Variants in RRP1 observed in about 807,000 individuals in gnomAD.
RRP1 encodes ribosomal RNA processing protein 1 homolog A.
In RRP1, 37 loss-of-function variants were observed where a neutral mutation model predicts 54.6. The ratio of observed to expected loss-of-function variants is 0.68; its 90% confidence interval spans 0.52 to 0.89. The LOEUF (loss-of-function observed/expected upper bound fraction) is 0.89, where lower values mean the gene tolerates loss of function less well. Among genes scored for constraint, RRP1 ranks in the 40% least tolerant of loss-of-function variants. RRP1 has a pLI of 0.00. For missense variants in RRP1, 639 were observed against 612.5 expected (o/e 1.04, Z -0.46); for synonymous variants, 262 against 244.3 (o/e 1.07, Z -0.67).
In RRP1 at chr21:43,795,218, G is replaced by A. The variant is rs1220235725; in HGVS notation, c.390G>A (p.Leu130=). ...MLMRMVLNES[L]KVLKMQGWEE... The stretch of plus-strand genomic sequence containing the variant: ...TGCGGATGGTCCTGAACGAGTCCTT[G>A]AAGGTTCTGAAGATGCAAGGCTGGG... The change falls in exon 5 of 13, where the codon TTG becomes TTA. Residue 130 remains leucine (L), a synonymous_variant. Coordinates refer to ENST00000497547, the MANE Select transcript of RRP1 (RefSeq NM_003683.6). The A allele has an allele frequency of 1.2e-6, 2 of 1,614,126 alleles. No homozygotes were observed. The highest frequency in any genetic ancestry group is 2.2e-5 in the East Asian group (1 of 44,880).
At position 43,790,092 on chromosome 21, in the gene RRP1, G is replaced by A. The variant is rs1335333879; in HGVS notation, c.133+330G>A. On this transcript the variant is annotated intron_variant, in intron 1 of 12. Transcript: ENST00000497547. ...TGGGCACCCAGTATTTTTCCCTCAT[G>A]GCAGCATTTCCCACTGTTTGCAGTT... is the stretch of plus-strand genomic sequence containing the variant. 3.3e-5 allele frequency among the ~76,000 whole-genome samples: 5 copies of A among 152,292 alleles called. No homozygotes were observed. The East Asian group carries it at 9.6e-4, about 29-fold the overall frequency.
At chr21:43,791,267 A>C in intron 1 of RRP1, 83 bp from the exon 2 acceptor site, 1 of 1,417,556 alleles carries the variant, frequency 7.1e-7, no homozygotes, top group Non-Finnish European at 1.0e-6. Flanking sequence ...GGTCTCATTC[A>C]GGCAGTCACG....
rs370343131 is a variant in RRP1, at chr21:43,797,482, C to A, written c.483C>A (p.Ala161=). Residue 161 remains alanine (A), a synonymous_variant, in exon 6 of 13, where the codon GCC becomes GCA. Transcript: ENST00000497547. ...MTEILHPSSQ[A]PNGVKSHFIE... is the part of the protein sequence containing the mutation. ...AGATCCTGCACCCCAGCAGCCAGGC[C>A]CCCAACGGTGTGAAGAGCCACTTCA... 7.4e-6 allele frequency: 12 copies of A among 1,613,774 alleles called. No individual in the cohort carries two copies. In the African/African-American group the frequency reaches 1.6e-4, roughly 22 times the overall value.
intron 11 of RRP1, among the ~76,000 whole-genome samples, chr21:43,801,835 C>G (rs1352320594): frequency 6.6e-6 from 1 of 152,196 alleles, no homozygotes. Context: ...CGTCTCTAAT[C>G]TGAAACCCCA....
intron 11 of RRP1, 98 bp downstream of exon 11, chr21:43,800,979 G>A: frequency 7.6e-7 from 1 of 1,316,258 alleles, no homozygotes; most frequent in Non-Finnish European, 1.1e-6. Flanking sequence ...AGCACGTGGA[G>A]TCTCTTTGCA....
chr21:43,791,931 G>T (rs2084964047), intron 2 of RRP1, among the ~76,000 whole-genome samples: 1 of 152,180 alleles, frequency 6.6e-6, no homozygotes, highest in Non-Finnish European at 1.5e-5. Flanking sequence ...GTGTTGATGT[G>T]ATTGACTGAG....
intron 12 of RRP1, among the ~76,000 whole-genome samples, chr21:43,803,300 C>T (rs531303325): frequency 1.3e-5 from 2 of 152,214 alleles, no homozygotes; most frequent in Non-Finnish European, 2.9e-5. Flanking sequence ...CCTGTCCTCA[C>T]GCTGGTCCTT....
intron 8 of RRP1, 116 bp downstream of exon 8, chr21:43,798,216 C>G: frequency 1.2e-6 from 1 of 837,346 alleles, no homozygotes; most frequent in Non-Finnish European, 1.8e-6. Context: ...CTCTGCCCCT[C>G]TCCACAGTCC....
intron 5 of RRP1, 153 bp from the exon 6 acceptor site, chr21:43,797,269 T>A: frequency 1.5e-6 from 2 of 1,314,704 alleles, no homozygotes; most frequent in South Asian, 1.5e-5. Flanking sequence ...GTTGATATCA[T>A]CTGCGTGGAC....
chr21:43,791,444 G>A lies in RRP1; in HGVS notation c.216+12G>A. ...AGCCACTCCTCCAGGTGAGTGGGGGGAGCAGCAGAGCAGGTACAGAAGCAG... is the reference window on the plus strand; with the variant it reads ...AGCCACTCCTCCAGGTGAGTGGGGGAAGCAGCAGAGCAGGTACAGAAGCAG... On this transcript the variant is annotated intron_variant, in intron 2 of 12. Coordinates refer to ENST00000497547, the MANE Select transcript of RRP1 (RefSeq NM_003683.6). 6.2e-7 allele frequency: 1 copy of A among 1,612,420 alleles called. No homozygotes were observed. Among genetic ancestry groups the A allele is most frequent in the Non-Finnish European group, 8.5e-7 (1 of 1,178,540 alleles).
Position 43,797,927 on chromosome 21 carries a change from T to A in RRP1, c.638T>A (p.Ile213Asn). 1.2e-6 allele frequency: 2 copies of A among 1,614,028 alleles called. No homozygotes were observed. The highest frequency in any genetic ancestry group is 1.7e-6 in the Non-Finnish European group (2 of 1,179,944). ...CTCAGTTCCTTGGTTTTGAACAACA[T>A]CACTCGAGGCATCTTTGAGACGATT... ...RTKDSLVLNN[I>N]TRGIFETIVE... The change falls in exon 8 of 13, where the codon ATC (isoleucine) becomes AAC (asparagine). Residue 213 changes from isoleucine to asparagine, a missense_variant. Transcript: ENST00000497547.
intron 1 of RRP1, 127 bp downstream of exon 1, chr21:43,789,889 C>T (rs946083350): frequency 5.0e-5 from 60 of 1,192,660 alleles, no homozygotes; most frequent in Non-Finnish European, 5.9e-5. Flanking sequence ...GCCGGGCAGG[C>T]GGGGTCCACT....
Position 43,797,528 on chromosome 21 carries a change from C to T in RRP1, c.529C>T (p.Leu177=). 2 of 1,614,050 alleles carry T rather than the reference C, an allele frequency of 1.2e-6. No individual in the cohort carries two copies. The highest frequency in any genetic ancestry group is 1.1e-5 in the South Asian group (1 of 91,084). The change falls in exon 6 of 13, where the codon CTG becomes TTG. Residue 177 remains leucine, a synonymous_variant. Coordinates refer to ENST00000497547, the MANE Select transcript of RRP1 (RefSeq NM_003683.6). ...CTTCATCGAGATCTTCCTGGAGGAG[C>T]TGACCAAAGTGGGCGCCGAGGAGGT... The part of the protein sequence containing the change: ...SHFIEIFLEE[L]TKVGAEELTA...
intron 10 of RRP1, 26 bp downstream of exon 10, chr21:43,800,640 TC>T (rs753918639): frequency 2.6e-5 from 41 of 1,605,578 alleles, no homozygotes; most frequent in Admixed American, 8.3e-5. Context: ...CGCTGCGTCC[TC>T]CCTGCTCCCC....
chr21:43,797,871 A>G, intron 7 of RRP1, 36 bp from the exon 8 acceptor site: 1 of 1,597,030 alleles, frequency 6.3e-7, no homozygotes. Flanking sequence ...ATCCAGCATA[A>G]CGGGCCTGCT....
At chr21:43,799,169 C>G (rs2085055804) in intron 8 of RRP1, among the ~76,000 whole-genome samples, 2 of 152,158 alleles carry the variant, frequency 1.3e-5, no homozygotes, top group South Asian at 4.1e-4. Flanking sequence ...CATCAGCTCC[C>G]ACAGCTTCTG....
chr21:43,796,681 A>G (rs1159581639), intron 5 of RRP1, among the ~76,000 whole-genome samples: 1 of 152,090 alleles, frequency 6.6e-6, no homozygotes, highest in Non-Finnish European at 1.5e-5. Flanking sequence ...AGCCTTAGAG[A>G]GCATCACTTT....
At position 43,797,932 on chromosome 21, in the gene RRP1, C is replaced by G; in HGVS notation, c.643C>G (p.Arg215Gly). ...KDSLVLNNIT[R>G]GIFETIVEQA... ...TTCCTTGGTTTTGAACAACATCACT[C>G]GAGGCATCTTTGAGACGATTGTGGA... is the stretch of plus-strand genomic sequence containing the variant. Residue 215 changes from arginine (R) to glycine (G), a missense_variant, in exon 8 of 13, where the codon CGA becomes GGA. Physicochemically the swap from Arg to Gly is moderately radical, Grantham distance 125 (BLOSUM62 -2). Transcript: ENST00000497547. The G allele has an allele frequency of 1.2e-6, 2 of 1,614,044 alleles. No homozygotes were observed. Among genetic ancestry groups the G allele is most frequent in the Non-Finnish European group, 1.7e-6 (2 of 1,179,958 alleles).
chr21:43,791,413 A>T lies in RRP1; in HGVS notation c.197A>T (p.Gln66Leu). ...GGACTGTTTTATTGCATGTGGATGC[A>T]GGACAAGCCACTCCTCCAGGTGAGT... ...WKGLFYCMWMQDKPLLQEELG... is the reference protein window; with the variant it reads ...WKGLFYCMWMLDKPLLQEELG... The change falls in exon 2 of 13, where the codon CAG (glutamine) becomes CTG (leucine). Residue 66 changes from glutamine to leucine, a missense_variant. Coordinates refer to ENST00000497547, the MANE Select transcript of RRP1 (RefSeq NM_003683.6). 1 of 1,613,870 alleles carries T rather than the reference A, an allele frequency of 6.2e-7. No individual in the cohort carries two copies. The highest frequency in any genetic ancestry group is 8.5e-7 in the Non-Finnish European group (1 of 1,179,934).
Sources: gnomAD v4.1 joint callset for allele counts (sites outside exome capture counted in the v4.1 genomes callset) on GRCh38, gnomAD v4.1.1 for gene constraint, MANE v1.5 for transcripts, NCBI Gene and HGNC (gene_info 2026-07-23, HGNC 2026-07-21) for gene names.